Variants in CCDC191 observed in about 807,000 individuals in gnomAD.
CCDC191 encodes the protein coiled-coil domain-containing protein 191.
In CCDC191, 99 loss-of-function variants were observed where a neutral mutation model predicts 114.0. That is an observed-to-expected ratio of 0.87 (90% CI 0.74 to 1.03). CCDC191 has a LOEUF of 1.03. Among genes scored for constraint, CCDC191 ranks in the 50% least tolerant of loss-of-function variants. The pLI is 0.00. For synonymous variants in CCDC191, 351 were observed against 376.0 expected (o/e 0.93, Z 0.77); for missense variants, 973 against 1,087.0 (o/e 0.90, Z 1.47).
chr3:113,971,201 A>G (rs560193971), intron 16 of CCDC191, among the ~76,000 whole-genome samples: 45 of 152,218 alleles, frequency 3.0e-4, no homozygotes, highest in Non-Finnish European at 1.2e-4. Flanking sequence ...AAGTGTTCCT[A>G]TTTCTCCACA....
chr3:114,022,301 G>A (rs150483284), intron 7 of CCDC191, among the ~76,000 whole-genome samples: 23 of 152,258 alleles, frequency 1.5e-4, no homozygotes, highest in African/African-American at 5.5e-4. Context: ...AGGAATGATT[G>A]ACGTTAGGTG....
chr3:114,018,855 T>C lies in CCDC191; in HGVS notation c.986A>G (p.Tyr329Cys). The change falls in exon 8 of 17, where the codon TAT becomes TGT. Residue 329 changes from tyrosine (Y) to cysteine (C), a missense_variant. By Grantham distance (194) the Tyr-to-Cys change is radical. Coordinates refer to ENST00000295878, the MANE Select transcript of CCDC191 (RefSeq NM_020817.2). ...FKENQQCQKR[Y>C]FAAWHKLILD... ...AATCAGCTTGTGCCAGGCAGCGAAA[T>C]ACCGTTTTTGACACTGCAGCGGAAA... The C allele has an allele frequency of 6.2e-7, 1 of 1,613,576 alleles. No homozygotes were observed. Among genetic ancestry groups the C allele is most frequent in the Non-Finnish European group, 8.5e-7 (1 of 1,179,696 alleles).
intron 16 of CCDC191, among the ~76,000 whole-genome samples, chr3:113,974,936 T>C (rs1941182935): frequency 6.6e-6 from 1 of 152,176 alleles, no homozygotes; most frequent in Non-Finnish European, 1.5e-5. Flanking sequence ...TGTTATTAGG[T>C]ATTTTTTTAT....
intron 4 of CCDC191, among the ~76,000 whole-genome samples, chr3:114,041,335 A>C (rs1337769818): frequency 6.6e-6 from 1 of 152,238 alleles, no homozygotes; most frequent in African/African-American, 2.4e-5. Context: ...ACATAGAACT[A>C]TATGAGTGGT....
At chr3:113,988,020 C>T (rs558226374) in intron 13 of CCDC191, among the ~76,000 whole-genome samples, 13 of 150,462 alleles carry the variant, frequency 8.6e-5, no homozygotes, top group Admixed American at 4.0e-4. Context: ...CCAGCCTGGG[C>T]GACAGAGCAA....
At chr3:113,999,900 C>T (rs957617483) in intron 13 of CCDC191, among the ~76,000 whole-genome samples, 3 of 152,162 alleles carry the variant, frequency 2.0e-5, no homozygotes, top group Non-Finnish European at 4.4e-5. Flanking sequence ...GAGTAAACAT[C>T]ACACAAGGAC....
chr3:113,969,180 TA>T (rs1369252654), intron 16 of CCDC191, among the ~76,000 whole-genome samples: 4 of 152,168 alleles, frequency 2.6e-5, no homozygotes, highest in African/African-American at 9.6e-5. Context: ...ATGACCCAAA[TA>T]CCTCCCATTA....
In CCDC191 at chr3:113,965,032, T is replaced by C; in HGVS notation, c.*123A>G. On this transcript the variant is annotated 3_prime_UTR_variant, in exon 17 of 17. Transcript: ENST00000295878. ...AATAAAAATTCTCAAAATAATTCCT[T>C]TGATCTAAGAAGTAGCTCGTAGAGA... 2.0e-6 allele frequency: 1 copy of C among 512,560 alleles called. No homozygotes were observed. Among genetic ancestry groups the C allele is most frequent in the Non-Finnish European group, 3.3e-6 (1 of 300,168 alleles). 31.8% of individuals were successfully genotyped at this position (512,560 alleles called of 1,614,324 possible).
chr3:114,005,366 A>C, intron 10 of CCDC191, 142 bp downstream of exon 10: 2 of 743,976 alleles, frequency 2.7e-6, no homozygotes, highest in Non-Finnish European at 4.4e-6. Flanking sequence ...TACTAGTCAT[A>C]ACTAGGCTTC....
At chr3:114,015,046 T>C (rs924021855) in intron 8 of CCDC191, among the ~76,000 whole-genome samples, 1 of 152,112 alleles carries the variant, frequency 6.6e-6, no homozygotes, top group Non-Finnish European at 1.5e-5. Flanking sequence ...ACGAATGAGA[T>C]GGTCTGAAGA....
chr3:114,004,380 G>A lies in CCDC191; in HGVS notation c.1978+257C>T, dbSNP rs987812085. The A allele has an allele frequency of 2.4e-5, 25 of 1,030,300 alleles. No individual in the cohort carries two copies. The Admixed American group carries it at 1.1e-3, about 47-fold the overall frequency. The allele number at this position is 1,030,300 out of a possible 1,614,324, so 63.8% of individuals were successfully genotyped here. A position where few individuals can be genotyped will look rare whatever the true frequency, so the allele number is the denominator to read the frequency against. ...TCCAAATCTCAAATTACAGAAAAATGATATACCTTTCAGCTATGTTTTTTT... is the reference window on the plus strand; with the variant it reads ...TCCAAATCTCAAATTACAGAAAAATAATATACCTTTCAGCTATGTTTTTTT... On this transcript the variant is annotated intron_variant, in intron 11 of 16. Transcript: ENST00000295878.
chr3:113,977,531 G>A (rs192340718), intron 16 of CCDC191, among the ~76,000 whole-genome samples: 3 of 95,600 alleles, frequency 3.1e-5, no homozygotes, highest in African/African-American at 8.3e-5. Flanking sequence ...AAACATAACT[G>A]TATTTTAAAT....
At chr3:114,030,199 G>A (rs1391580323) in intron 7 of CCDC191, among the ~76,000 whole-genome samples, 2 of 152,060 alleles carry the variant, frequency 1.3e-5, no homozygotes, top group Admixed American at 6.6e-5. Context: ...ATCTGTTTTC[G>A]ATTGGCCACT....
chr3:114,010,644 G>T, intron 9 of CCDC191, 128 bp downstream of exon 9: 1 of 765,954 alleles, frequency 1.3e-6, no homozygotes, highest in Non-Finnish European at 2.1e-6. Flanking sequence ...CTGCCTGAAA[G>T]GTAGTGCATT....
At chr3:113,995,966 A>AT (rs1456754273) in intron 13 of CCDC191, among the ~76,000 whole-genome samples, 13 of 70,630 alleles carry the variant, frequency 1.8e-4, no homozygotes, top group African/African-American at 7.6e-4. Context: ...CCACTTTTTG[A>AT]TGGGACTGTT....
intron 9 of CCDC191, among the ~76,000 whole-genome samples, chr3:114,008,904 G>A (rs2076019847): frequency 6.6e-6 from 1 of 152,006 alleles, no homozygotes; most frequent in Non-Finnish European, 1.5e-5. Flanking sequence ...AAACACTGTA[G>A]AGTGTACTTA....
intron 7 of CCDC191, among the ~76,000 whole-genome samples, chr3:114,031,006 C>T (rs955931190): frequency 1.3e-5 from 2 of 152,142 alleles, no homozygotes; most frequent in Non-Finnish European, 2.9e-5. Context: ...TCCCAAAATT[C>T]ATACTTTTAT....
intron 3 of CCDC191, among the ~76,000 whole-genome samples, chr3:114,045,936 A>G (rs956292334): frequency 6.6e-6 from 1 of 152,246 alleles, no homozygotes; most frequent in Admixed American, 6.5e-5. Flanking sequence ...GTTCATAACC[A>G]GTACTTCCAG....
intron 16 of CCDC191, among the ~76,000 whole-genome samples, chr3:113,966,140 C>T (rs1357280084): frequency 1.3e-5 from 2 of 152,172 alleles, no homozygotes; most frequent in Non-Finnish European, 2.9e-5. Flanking sequence ...ATTGAGGCCT[C>T]AGTGCGTAGA....
Sources: gnomAD v4.1 joint callset for allele counts (sites outside exome capture counted in the v4.1 genomes callset) on GRCh38, gnomAD v4.1.1 for gene constraint, MANE v1.5 for transcripts, NCBI Gene and HGNC (gene_info 2026-07-23, HGNC 2026-07-21) for gene names.